Variants in FBN1 observed in about 807,000 individuals in gnomAD.
FBN1 encodes fibrillin 1.
FBN1 carries 29 observed loss-of-function variants against 365.1 expected under a neutral mutation model. That is an observed-to-expected ratio of 0.08 (90% CI 0.06 to 0.11). The LOEUF is 0.11. Ranked by LOEUF, FBN1 falls within the 10% of genes least tolerant of loss-of-function variation. The pLI is 1.00. For synonymous variants in FBN1, 1,210 were observed against 1,270.5 expected (o/e 0.95, Z 1.01); for missense variants, 2,476 against 3,703.2 (o/e 0.67, Z 8.60).
intron 38 of FBN1, 114 bp from the exon 39 acceptor site, chr15:48,465,972 T>A (rs527394273): frequency 1.3e-6 from 1 of 767,912 alleles, no homozygotes; most frequent in African/African-American, 1.7e-5. Context: ...CAGGAATCTT[T>A]AGTTGTTACT....
chr15:48,413,241 C>T (rs1395691516), intron 64 of FBN1, among the ~76,000 whole-genome samples: 1 of 152,206 alleles, frequency 6.6e-6, no homozygotes, highest in East Asian at 1.9e-4. Flanking sequence ...GCTCCTATTC[C>T]TTGACGTTTC....
chr15:48,509,416 A>G (rs1299248832), intron 14 of FBN1, among the ~76,000 whole-genome samples: 1 of 148,192 alleles, frequency 6.7e-6, no homozygotes, highest in Non-Finnish European at 1.5e-5. Flanking sequence ...TTTATTATAT[A>G]TACATATTTT....
chr15:48,438,065 G>C (rs1467462620), intron 50 of FBN1, 148 bp from the exon 51 acceptor site: 2 of 849,832 alleles, frequency 2.4e-6, no homozygotes, highest in African/African-American at 3.3e-5. Flanking sequence ...TGGTAACTGA[G>C]CTGAGATTGT....
chr15:48,635,739 A>T lies in FBN1; in HGVS notation c.164+8867T>A, dbSNP rs74014660. Among the ~76,000 whole-genome samples the T allele has an allele frequency of 6.7e-3, 1,024 of 152,344 alleles. 11 individuals are homozygous for T. Among genetic ancestry groups the T allele is most frequent in the African/African-American group, 0.023 (974 of 41,580 alleles). ...AATGGTTAGATGTTTTGAAATTCTCATATTTGAATAAAACAAAACATACTG... is the reference window on the plus strand; with the variant it reads ...AATGGTTAGATGTTTTGAAATTCTCTTATTTGAATAAAACAAAACATACTG... On this transcript the variant is annotated intron_variant, in intron 2 of 65. Transcript: ENST00000316623.
chr15:48,578,117 T>C (rs2044363666), intron 6 of FBN1, among the ~76,000 whole-genome samples: 1 of 152,232 alleles, frequency 6.6e-6, no homozygotes, highest in Admixed American at 6.5e-5. Flanking sequence ...GTGATGCTAC[T>C]GGTTCGTGTA....
intron 6 of FBN1, among the ~76,000 whole-genome samples, chr15:48,544,956 G>A (rs980665594): frequency 8.5e-5 from 13 of 152,124 alleles, no homozygotes; most frequent in African/African-American, 3.1e-4. Flanking sequence ...ATTCTTAATG[G>A]TCTGCAAATT....
chr15:48,431,724 A>C (rs2043023902), intron 55 of FBN1, among the ~76,000 whole-genome samples: 1 of 151,982 alleles, frequency 6.6e-6, no homozygotes, highest in African/African-American at 2.4e-5. Context: ...GCATGATCTC[A>C]GCTCACTGCA....
intron 6 of FBN1, among the ~76,000 whole-genome samples, chr15:48,566,462 C>T (rs192278553): frequency 6.6e-6 from 1 of 152,180 alleles, no homozygotes; most frequent in African/African-American, 2.4e-5. Context: ...AAGACCCCCA[C>T]CCTTTCTCTT....
At chr15:48,568,568 G>T (rs1156784761) in intron 6 of FBN1, among the ~76,000 whole-genome samples, 1 of 151,996 alleles carries the variant, frequency 6.6e-6, no homozygotes, top group Admixed American at 6.6e-5. Context: ...AGAAGAAGAA[G>T]AATAAAGTTG....
At chr15:48,645,093 T>C in intron 1 of FBN1, 143 bp from the exon 2 acceptor site, 2 of 212,522 alleles carry the variant, frequency 9.4e-6, no homozygotes, top group Non-Finnish European at 9.1e-6. Flanking sequence ...GACCGTTTGG[T>C]CCACAGCTGG....
At chr15:48,588,709 T>C (rs1194824203) in intron 6 of FBN1, among the ~76,000 whole-genome samples, 1 of 152,214 alleles carries the variant, frequency 6.6e-6, no homozygotes, top group Non-Finnish European at 1.5e-5. Flanking sequence ...CTCTTAAACC[T>C]TTATGCATAT....
At chr15:48,507,557 G>A (rs146457205) in intron 15 of FBN1, among the ~76,000 whole-genome samples, 123 of 152,274 alleles carry the variant, frequency 8.1e-4, no homozygotes, top group African/African-American at 2.8e-3. Flanking sequence ...AAACAACCAA[G>A]GGCTTGAAGT....
Position 48,625,117 on chromosome 15 carries a change from AG to A in FBN1, c.165-12026del, listed in dbSNP as rs1889851016. ...TGATACTTGAGTTCCGAATGCTGTCAGCCCCCAATTGACAAACAGGTAGAGC... is the reference window on the plus strand; with the variant it reads ...TGATACTTGAGTTCCGAATGCTGTCACCCCCAATTGACAAACAGGTAGAGC... On this transcript the variant is annotated intron_variant, in intron 2 of 65. Coordinates refer to ENST00000316623, the MANE Select transcript of FBN1 (RefSeq NM_000138.5). Among the ~76,000 whole-genome samples the A allele has an allele frequency of 2.6e-5, 4 of 152,198 alleles. No individual in the cohort carries two copies. The South Asian group carries it at 8.3e-4, about 32-fold the overall frequency.
intron 2 of FBN1, among the ~76,000 whole-genome samples, chr15:48,625,086 G>A (rs936319741): frequency 2.6e-5 from 4 of 152,194 alleles, no homozygotes; most frequent in Non-Finnish European, 4.4e-5. Flanking sequence ...AGAGTGCAGG[G>A]TGATTTGATA....
chr15:48,575,666 T>C (rs916530963), intron 6 of FBN1, among the ~76,000 whole-genome samples: 1 of 152,054 alleles, frequency 6.6e-6, no homozygotes, highest in Non-Finnish European at 1.5e-5. Context: ...CAACAATATC[T>C]ACCCAAAGGA....
At chr15:48,513,983 G>A (rs1308778690) in intron 12 of FBN1, among the ~76,000 whole-genome samples, 1 of 152,156 alleles carries the variant, frequency 6.6e-6, no homozygotes, top group East Asian at 1.9e-4. Context: ...TAACATTTCA[G>A]AAGTGGCTTC....
At chr15:48,603,989 C>A (rs2044587176) in intron 4 of FBN1, among the ~76,000 whole-genome samples, 1 of 152,234 alleles carries the variant, frequency 6.6e-6, no homozygotes, top group Non-Finnish European at 1.5e-5. Context: ...GTCAGTCAGT[C>A]ATTTCAGTCA....
chr15:48,481,816 T>G, intron 31 of FBN1, 36 bp from the exon 32 acceptor site: 1 of 1,581,744 alleles, frequency 6.3e-7, no homozygotes, highest in Admixed American at 1.7e-5. Context: ...TATGTAGCTA[T>G]TTGATATCAT....
chr15:48,578,903 G>A (rs1343907850), intron 6 of FBN1, among the ~76,000 whole-genome samples: 2 of 146,480 alleles, frequency 1.4e-5, no homozygotes, highest in Non-Finnish European at 1.5e-5. Flanking sequence ...TATACCTAAT[G>A]CTAGATGACG....
Sources: allele counts gnomAD v4.1 joint callset (sites outside exome capture counted in the v4.1 genomes callset), GRCh38; gene constraint gnomAD v4.1.1; transcripts MANE v1.5; gene names NCBI Gene and HGNC (gene_info 2026-07-23, HGNC 2026-07-21).